Variants in DOK6 observed in about 807,000 individuals in gnomAD.
The protein encoded by DOK6 is downstream of tyrosine kinase 6.
In DOK6, 22 loss-of-function variants were observed where a neutral mutation model predicts 44.0. That is an observed-to-expected ratio of 0.50 (90% CI 0.36 to 0.71). The LOEUF (loss-of-function observed/expected upper bound fraction) is 0.71. Ranked by LOEUF, DOK6 falls within the 30% of genes least tolerant of loss-of-function variation. The pLI is 0.00. For missense variants in DOK6, 340 were observed against 416.4 expected (o/e 0.82, Z 1.60); for synonymous variants, 166 against 145.5 (o/e 1.14, Z -1.01).
intron 5 of DOK6, among the ~76,000 whole-genome samples, chr18:69,737,151 G>T (rs1002305063): frequency 6.6e-6 from 1 of 152,292 alleles, no homozygotes; most frequent in African/African-American, 2.4e-5. Context: ...GAAACCTAGA[G>T]TATTAGTGCA....
At chr18:69,718,569 A>T (rs1396296724) in intron 5 of DOK6, among the ~76,000 whole-genome samples, 2 of 152,310 alleles carry the variant, frequency 1.3e-5, no homozygotes, top group Admixed American at 6.5e-5. Context: ...TTTCTCTACC[A>T]TTATGAGGCC....
intron 6 of DOK6, among the ~76,000 whole-genome samples, chr18:69,749,218 G>T (rs765728820): frequency 3.2e-4 from 48 of 152,128 alleles, no homozygotes; most frequent in Non-Finnish European, 5.6e-4. Flanking sequence ...CTAGGTGATG[G>T]GTTGATAGCT....
intron 1 of DOK6, among the ~76,000 whole-genome samples, chr18:69,543,656 C>T (rs1363195606): frequency 2.0e-5 from 3 of 151,112 alleles, no homozygotes; most frequent in African/African-American, 7.3e-5. Flanking sequence ...AAATCCAAGC[C>T]CTGAAGCTAG....
rs147853990 is a variant in DOK6, at chr18:69,524,537, A to G, written c.67-39950A>G. 3.7e-3 allele frequency among the ~76,000 whole-genome samples: 565 copies of G among 152,068 alleles called. 1 individual carries two copies. Among genetic ancestry groups the G allele is most frequent in the Non-Finnish European group, 6.7e-3 (456 of 67,838 alleles). ...CATGTAGTGACTTTTAGTTGGCTAA[A>G]TAGGTTCTAATTAGAGTTTAGTTTA... On this transcript the variant is annotated intron_variant, in intron 1 of 7. Coordinates refer to ENST00000382713, the MANE Select transcript of DOK6 (RefSeq NM_152721.6).
intron 1 of DOK6, among the ~76,000 whole-genome samples, chr18:69,427,389 AT>A (rs1400391003): frequency 1.7e-5 from 2 of 117,840 alleles, no homozygotes; most frequent in African/African-American, 6.6e-5. Context: ...AACATCACTG[AT>A]CATTAGAGAT....
chr18:69,612,456 A>AGGGC (rs376765699), intron 3 of DOK6, among the ~76,000 whole-genome samples: 1 of 146,596 alleles, frequency 6.8e-6, no homozygotes. Context: ...CATGTGTGCG[A>AGGGC]GCGTGCATAT....
chr18:69,642,933 A>G (rs1984979887), intron 3 of DOK6, among the ~76,000 whole-genome samples: 1 of 152,228 alleles, frequency 6.6e-6, no homozygotes, highest in Non-Finnish European at 1.5e-5. Context: ...CATAGATCAA[A>G]TAGCACACTG....
At chr18:69,592,281 C>T (rs1316063778) in intron 2 of DOK6, among the ~76,000 whole-genome samples, 3 of 148,990 alleles carry the variant, frequency 2.0e-5, no homozygotes, top group African/African-American at 7.4e-5. Flanking sequence ...AGTGTCATGT[C>T]TACAAAGAAG....
chr18:69,730,906 G>A (rs988083594), intron 5 of DOK6, among the ~76,000 whole-genome samples: 3 of 152,080 alleles, frequency 2.0e-5, no homozygotes, highest in African/African-American at 7.2e-5. Context: ...TTTGAGGCCA[G>A]CCTGAGCAAG....
chr18:69,510,137 A>G (rs935848296), intron 1 of DOK6, among the ~76,000 whole-genome samples: 14 of 152,222 alleles, frequency 9.2e-5, no homozygotes, highest in African/African-American at 3.1e-4. Context: ...CATTTTGGCT[A>G]AAGTTTGAAT....
At chr18:69,617,689 AAG>A (rs1439717903) in intron 3 of DOK6, among the ~76,000 whole-genome samples, 2 of 144,136 alleles carry the variant, frequency 1.4e-5, no homozygotes, top group Non-Finnish European at 3.0e-5. Context: ...AAAAGAAAGA[AAG>A]AAAAGACGGA....
chr18:69,522,193 T>C (rs1237655161), intron 1 of DOK6, among the ~76,000 whole-genome samples: 2 of 151,664 alleles, frequency 1.3e-5, no homozygotes, highest in Non-Finnish European at 3.0e-5. Flanking sequence ...CAGTATATTG[T>C]TGGTTCAAAA....
intron 4 of DOK6, among the ~76,000 whole-genome samples, chr18:69,697,636 A>AAG (rs1986418284): frequency 6.6e-6 from 1 of 152,070 alleles, no homozygotes. Flanking sequence ...AAAAAAAAAA[A>AAG]TCTATTTAAT....
chr18:69,534,647 C>A (rs1268213940), intron 1 of DOK6, among the ~76,000 whole-genome samples: 1 of 151,846 alleles, frequency 6.6e-6, no homozygotes, highest in Admixed American at 6.6e-5. Context: ...TTTAAAATCC[C>A]AGCTCTGTCA....
At chr18:69,788,424 C>A (rs531096368) in intron 7 of DOK6, among the ~76,000 whole-genome samples, 2 of 152,088 alleles carry the variant, frequency 1.3e-5, no homozygotes, top group African/African-American at 4.8e-5. Flanking sequence ...TAAATGGGCT[C>A]TTTGTAATGA....
intron 3 of DOK6, among the ~76,000 whole-genome samples, chr18:69,614,268 C>G (rs1016927412): frequency 6.6e-6 from 1 of 152,060 alleles, no homozygotes; most frequent in African/African-American, 2.4e-5. Context: ...ATCTTTCCTA[C>G]CACAAGTCAT....
rs574914285 is a variant in DOK6, at chr18:69,609,898, T to TTA, written c.289+10404_289+10405dup. On this transcript the variant is annotated intron_variant, in intron 3 of 7. Transcript: ENST00000382713. ...ACAACATGGATGAATCTTGAGAGCA[T>TTA]TATATTAAGTGAAATAAGCCAGTCA... Among the ~76,000 whole-genome samples, 41 of 152,302 alleles carry TTA rather than the reference T, an allele frequency of 2.7e-4. No homozygotes were observed. The East Asian group carries it at 6.4e-3, about 24-fold the overall frequency.
In DOK6 at chr18:69,514,906, G is replaced by A. The variant is rs151005595; in HGVS notation, c.67-49581G>A. On this transcript the variant is annotated intron_variant, in intron 1 of 7. Transcript: ENST00000382713. ...CAGGCATTGCCATTCAGCTCACTCA[G>A]TGTTGTCTTCTGTTCATAGCCTCAG... Among the ~76,000 whole-genome samples the A allele has an allele frequency of 2.6e-5, 4 of 151,566 alleles. No individual in the cohort carries two copies. In the East Asian group the frequency reaches 7.7e-4, roughly 29 times the overall value.
At chr18:69,667,748 A>G (rs1281951263) in intron 3 of DOK6, among the ~76,000 whole-genome samples, 1 of 152,160 alleles carries the variant, frequency 6.6e-6, no homozygotes, top group African/African-American at 2.4e-5. Flanking sequence ...TTTCCCAAAT[A>G]TCGAACTGTG....
Sources: allele counts gnomAD v4.1 joint callset (sites outside exome capture counted in the v4.1 genomes callset), GRCh38; gene constraint gnomAD v4.1.1; transcripts MANE v1.5; gene names NCBI Gene and HGNC (gene_info 2026-07-23, HGNC 2026-07-21).